ESR1: variants seen among roughly 807,000 people sequenced by gnomAD.
The protein encoded by ESR1 is estrogen receptor 1, also known as estrogen receptor.
A neutral mutation model predicts 52.7 loss-of-function variants in ESR1; 12 were observed. That is an observed-to-expected ratio of 0.23 (90% CI 0.15 to 0.37). ESR1 has a LOEUF of 0.37. ESR1 is among the 10% of genes least tolerant of loss of function. ESR1 has a pLI of 1.00. For missense variants in ESR1, 584 were observed against 779.7 expected (o/e 0.75, Z 2.99); for synonymous variants, 305 against 316.8 (o/e 0.96, Z 0.39).
rs555217107 is a variant in ESR1, at chr6:152,069,469, G to A, written c.1369+8345G>A. ...GTTAGGACATTGTGACAGGGGCTAC[G>A]TGACTTTGAAGTGTTAAGTGGCTGT... On this transcript the variant is annotated intron_variant, in intron 6 of 7. Coordinates refer to ENST00000206249, the MANE Select transcript of ESR1 (RefSeq NM_000125.4). 1.2e-4 allele frequency among the ~76,000 whole-genome samples: 17 copies of A among 136,490 alleles called. 3 individuals are homozygous for A. The highest frequency in any genetic ancestry group is 9.3e-4 in the South Asian group (4 of 4,292). 89.5% of individuals were successfully genotyped at this position (136,490 alleles called of 152,430 possible).
At chr6:151,738,265 G>T (rs1782817505) in intron 2 of ESR1, among the ~76,000 whole-genome samples, 1 of 152,090 alleles carries the variant, frequency 6.6e-6, no homozygotes, top group Admixed American at 6.5e-5. Flanking sequence ...TTGTCTCTTT[G>T]TTTACTTAGA....
intron 4 of ESR1, among the ~76,000 whole-genome samples, chr6:151,994,049 A>G (rs2041260788): frequency 6.6e-6 from 1 of 152,174 alleles, no homozygotes. Context: ...TAACAACCCT[A>G]GAAGGTAGTT....
At chr6:152,051,220 T>A (rs1324817589) in intron 5 of ESR1, among the ~76,000 whole-genome samples, 1 of 152,174 alleles carries the variant, frequency 6.6e-6, no homozygotes, top group Non-Finnish European at 1.5e-5. Context: ...AGCCCCATAA[T>A]CAGTCACTGC....
intron 2 of ESR1, among the ~76,000 whole-genome samples, chr6:151,718,748 A>T (rs1781237036): frequency 6.6e-6 from 1 of 152,216 alleles, no homozygotes; most frequent in African/African-American, 2.4e-5. Flanking sequence ...TCAAGGGAAA[A>T]GGAGAGCAGA....
At chr6:151,932,428 C>A (rs1442282571) in intron 3 of ESR1, among the ~76,000 whole-genome samples, 34 of 128,200 alleles carry the variant, frequency 2.7e-4, no homozygotes, top group African/African-American at 1.0e-3. Flanking sequence ...ATGGTAGTTT[C>A]TTTTGCTGTG....
chr6:151,908,382 T>C (rs1017314040), intron 3 of ESR1, among the ~76,000 whole-genome samples: 2 of 152,196 alleles, frequency 1.3e-5, no homozygotes, highest in African/African-American at 4.8e-5. Context: ...CATACTTAGC[T>C]CTATTTTAGG....
intron 2 of ESR1, among the ~76,000 whole-genome samples, chr6:151,733,586 G>A (rs925905399): frequency 3.3e-5 from 5 of 152,076 alleles, no homozygotes; most frequent in Non-Finnish European, 7.4e-5. Context: ...ACAATCTTAC[G>A]AAATTTGTGT....
chr6:151,668,288 T>C (rs9322328), intron 1 of ESR1, among the ~76,000 whole-genome samples: 6 of 75,228 alleles, frequency 8.0e-5, no homozygotes, highest in East Asian at 5.6e-4. Context: ...TTTTTTTTTC[T>C]TTTTTTTTGA....
upstream of ESR1, among the ~76,000 whole-genome samples, chr6:151,688,736 A>G (rs1244654831): frequency 6.6e-6 from 1 of 152,194 alleles, no homozygotes; most frequent in Non-Finnish European, 1.5e-5. Flanking sequence ...CTTCACATTT[A>G]CATTGTTTTA....
At chr6:151,921,550 G>A (rs1486278471) in intron 3 of ESR1, among the ~76,000 whole-genome samples, 2 of 151,824 alleles carry the variant, frequency 1.3e-5, no homozygotes, top group African/African-American at 2.4e-5. Flanking sequence ...TTTACATTCC[G>A]ACCAACAGTG....
rs985214378 is a variant in ESR1 at position 151,792,562 on chromosome 6, C to T, written c.-70-15281C>T. Among the ~76,000 whole-genome samples, 6 of 151,988 alleles carry T rather than the reference C, an allele frequency of 3.9e-5. No individual in the cohort carries two copies. In the East Asian group the frequency reaches 1.2e-3, roughly 29 times the overall value. On this transcript the variant is annotated intron_variant, in intron 2 of 2. Coordinates refer to the ESR1 transcript ENST00000404742. Reference sequence around the variant, plus strand: ...TTAAGCAATCCTCACACCTCAGCCTCCTGGGTAGCTGGTACTGCAGACGTA... The same window carrying T: ...TTAAGCAATCCTCACACCTCAGCCTTCTGGGTAGCTGGTACTGCAGACGTA...
chr6:151,822,115 A>G (rs1780655229), intron 1 of ESR1, among the ~76,000 whole-genome samples: 1 of 152,236 alleles, frequency 6.6e-6, no homozygotes, highest in Non-Finnish European at 1.5e-5. Flanking sequence ...AATGAGTCAA[A>G]GAACTGCTAG....
At chr6:151,658,857 G>A (rs1562314312) in intron 1 of ESR1, among the ~76,000 whole-genome samples, 1 of 152,176 alleles carries the variant, frequency 6.6e-6, no homozygotes, top group African/African-American at 2.4e-5. Context: ...CACAAAGCTA[G>A]TAAAGCAGCC....
At chr6:151,850,609 C>A (rs185840273) in intron 2 of ESR1, among the ~76,000 whole-genome samples, 10 of 152,186 alleles carry the variant, frequency 6.6e-5, no homozygotes, top group African/African-American at 2.4e-4. Context: ...GCTCCTAGCT[C>A]CTGCCCCAGC....
chr6:151,969,010 C>A (rs2038608385), intron 4 of ESR1, among the ~76,000 whole-genome samples: 1 of 152,092 alleles, frequency 6.6e-6, no homozygotes, highest in African/African-American at 2.4e-5. Flanking sequence ...GCAAGCAGAG[C>A]TTCAGTTTTG....
rs114840302 is a variant in ESR1 at position 152,045,684 on chromosome 6, A to G, written c.1236-15307A>G. Among the ~76,000 whole-genome samples the G allele has an allele frequency of 1.9e-3, 284 of 152,294 alleles. 2 individuals carry two copies. The highest frequency in any genetic ancestry group is 5.9e-3 in the African/African-American group (246 of 41,552). The stretch of plus-strand genomic sequence containing the variant: ...CTTGTTAGCACTGAGTAAGAACTCA[A>G]TGAAGGTTAGCTTTCATTGGTACTA... On this transcript the variant is annotated intron_variant, in intron 5 of 7. Transcript: ENST00000206249.
intron 2 of ESR1, among the ~76,000 whole-genome samples, chr6:151,725,843 T>C (rs571962292): frequency 6.6e-6 from 1 of 152,344 alleles, no homozygotes; most frequent in East Asian, 1.9e-4. Context: ...TTATAGATGG[T>C]CAATATAGGA....
At chr6:151,989,035 C>T (rs115037960) in intron 4 of ESR1, among the ~76,000 whole-genome samples, 2,731 of 152,188 alleles carry the variant, frequency 0.018, 32 homozygotes, top group East Asian at 0.029. Flanking sequence ...GCTGGATCTT[C>T]CGCTCCACAA....
At chr6:152,024,498 T>C (rs937868115) in intron 5 of ESR1, among the ~76,000 whole-genome samples, 15 of 151,856 alleles carry the variant, frequency 9.9e-5, no homozygotes, top group African/African-American at 3.6e-4. Flanking sequence ...TAAGTCTTCA[T>C]ATCTAAGACC....
Sources: gnomAD v4.1 joint callset for allele counts (sites outside exome capture counted in the v4.1 genomes callset) on GRCh38, gnomAD v4.1.1 for gene constraint, MANE v1.5 for transcripts, NCBI Gene and HGNC (gene_info 2026-07-23, HGNC 2026-07-21) for gene names.